KIAA1549: variants seen among roughly 807,000 people sequenced by gnomAD.
KIAA1549 encodes the protein UPF0606 protein KIAA1549.
Under a neutral mutation model 156.4 loss-of-function variants are expected in KIAA1549, and 70 were observed. The ratio of observed to expected loss-of-function variants is 0.45; its 90% CI spans 0.37 to 0.55. KIAA1549 has a LOEUF of 0.55. Ranked by LOEUF, KIAA1549 falls within the 20% of genes least tolerant of loss-of-function variation. The pLI, the probability that KIAA1549 is intolerant of heterozygous loss-of-function variation, is 0.00. For synonymous variants in KIAA1549, 1,103 were observed against 1,066.4 expected (o/e 1.03, Z -0.67); for missense variants, 2,428 against 2,540.9 (o/e 0.96, Z 0.96).
rs761163446 is a variant in KIAA1549, at chr7:138,868,142, G to C, written c.4776-14C>G. ...TTTATCCGTGAGCTGCCAGGAAAAAGAGAAATTATCTTCGTAGGAAATCAC... is the reference window on the plus strand; with the variant it reads ...TTTATCCGTGAGCTGCCAGGAAAAACAGAAATTATCTTCGTAGGAAATCAC... On this transcript the variant is annotated splice_polypyrimidine_tract_variant and intron_variant, in intron 14 of 19. Transcript: ENST00000422774. The C allele has an allele frequency of 6.2e-7, 1 of 1,609,636 alleles. No individual in the cohort carries two copies. Among genetic ancestry groups the C allele is most frequent in the South Asian group, 1.1e-5 (1 of 90,406 alleles).
At chr7:138,908,607 A>G (rs911470927) in intron 5 of KIAA1549, among the ~76,000 whole-genome samples, 10 of 152,190 alleles carry the variant, frequency 6.6e-5, no homozygotes, top group Non-Finnish European at 1.5e-5. Context: ...AAACATAAAA[A>G]CATCAGCAGT....
intron 12 of KIAA1549, 96 bp from the exon 13 acceptor site, chr7:138,871,458 T>C (rs2130386477): frequency 1.8e-6 from 2 of 1,140,176 alleles, no homozygotes; most frequent in East Asian, 5.4e-5. Context: ...AATCTTTGGA[T>C]GGGCCTCTGA....
In KIAA1549 at chr7:138,898,934, GACA is replaced by G. The variant is rs771481978; in HGVS notation, c.3847+18_3847+20del. 6.2e-7 allele frequency: 1 copy of G among 1,612,530 alleles called. No homozygotes were observed. The highest frequency in any genetic ancestry group is 1.3e-5 in the African/African-American group (1 of 74,826). Reference sequence around the variant, plus strand: ...GTGCCCAGCACAGCACAGCACAGACGACAACACCTCAGGCACTTACGCTGGGCA... The same window carrying G: ...GTGCCCAGCACAGCACAGCACAGACGACACCTCAGGCACTTACGCTGGGCA... On this transcript the variant is annotated intron_variant, in intron 9 of 19. Transcript: ENST00000422774.
In KIAA1549 at chr7:138,867,388, C is replaced by T. The variant is rs565558661; in HGVS notation, c.4929+587G>A. 9.9e-5 allele frequency among the ~76,000 whole-genome samples: 15 copies of T among 152,038 alleles called. No individual in the cohort carries two copies. The South Asian group carries it at 3.1e-3, about 32-fold the overall frequency. On this transcript the variant is annotated intron_variant, in intron 15 of 19. Coordinates refer to ENST00000422774, the MANE Select transcript of KIAA1549 (RefSeq NM_001164665.2). ...TGGGCAACATGCTGAGACCCCATCT[C>T]TACAAAAATTTTTAAAATTAGCTGG...
chr7:138,942,660 C>T (rs566470420), intron 1 of KIAA1549, among the ~76,000 whole-genome samples: 1 of 152,166 alleles, frequency 6.6e-6, no homozygotes, highest in Non-Finnish European at 1.5e-5. Flanking sequence ...CCTGTAATCC[C>T]AGCACTTTGG....
At chr7:138,978,175 ATTC>A (rs1227902380) in intron 1 of KIAA1549, among the ~76,000 whole-genome samples, 1 of 152,222 alleles carries the variant, frequency 6.6e-6, no homozygotes, top group Non-Finnish European at 1.5e-5. Context: ...TGTGCATATA[ATTC>A]TTTTTTTAAT....
At chr7:138,969,138 C>T (rs538731521) in intron 1 of KIAA1549, among the ~76,000 whole-genome samples, 18 of 152,166 alleles carry the variant, frequency 1.2e-4, no homozygotes, top group African/African-American at 2.2e-4. Context: ...TCATAAGTTA[C>T]GATTTAGCTC....
At chr7:138,904,380 C>T (rs1410377263) in intron 7 of KIAA1549, among the ~76,000 whole-genome samples, 1 of 152,164 alleles carries the variant, frequency 6.6e-6, no homozygotes, top group Non-Finnish European at 1.5e-5. Flanking sequence ...CCATGCAAAG[C>T]GATAGGACCT....
intron 1 of KIAA1549, among the ~76,000 whole-genome samples, chr7:138,942,874 C>T (rs2130526128): frequency 6.6e-6 from 1 of 151,656 alleles, no homozygotes; most frequent in Non-Finnish European, 1.5e-5. Flanking sequence ...CGTGCCACTG[C>T]ACTCCAGCCT....
At chr7:138,927,999 C>A (rs1470812664) in intron 1 of KIAA1549, among the ~76,000 whole-genome samples, 4 of 150,842 alleles carry the variant, frequency 2.7e-5, no homozygotes, top group Non-Finnish European at 5.9e-5. Context: ...TGGCTCACTG[C>A]AAGCTCTGCT....
In KIAA1549 at chr7:138,833,542, C is replaced by T. The variant is rs985174949; in HGVS notation, c.*4364G>A. On this transcript the variant is annotated 3_prime_UTR_variant, in exon 20 of 20. Transcript: ENST00000422774. ...GTCCGCATGCCAGGAAAGATCTGGC[C>T]GGCAAACACCCACTGCTTAAAAGTC... 3 of 232,334 alleles carry T rather than the reference C, an allele frequency of 1.3e-5. No individual in the cohort carries two copies. The highest frequency in any genetic ancestry group is 2.6e-5 in the Non-Finnish European group (3 of 117,572). The allele number at this position is 232,334 out of a possible 1,614,324, so 14.4% of individuals were successfully genotyped here.
chr7:138,890,997 G>A (rs924525816), intron 10 of KIAA1549, among the ~76,000 whole-genome samples: 2 of 152,118 alleles, frequency 1.3e-5, no homozygotes, highest in South Asian at 4.1e-4. Flanking sequence ...CATCTCCACC[G>A]TGAAGCTTCA....
At chr7:138,903,355 T>C (rs766094446) in intron 8 of KIAA1549, among the ~76,000 whole-genome samples, 2 of 152,346 alleles carry the variant, frequency 1.3e-5, no homozygotes, top group East Asian at 3.9e-4. Flanking sequence ...GCAAGGTCTA[T>C]TGTTATACTA....
At chr7:138,875,408 G>T (rs1474619036) in intron 12 of KIAA1549, among the ~76,000 whole-genome samples, 1 of 152,174 alleles carries the variant, frequency 6.6e-6, no homozygotes, top group Admixed American at 6.5e-5. Flanking sequence ...ACTTTGGAAG[G>T]CTAAGGCAGG....
At chr7:138,901,326 ATTTT>A (rs55728739) in intron 8 of KIAA1549, among the ~76,000 whole-genome samples, 2 of 132,860 alleles carry the variant, frequency 1.5e-5, no homozygotes, top group Non-Finnish European at 3.2e-5. Flanking sequence ...CTTGAGTTTT[ATTTT>A]TTTTTTTTTT....
chr7:138,855,286 T>C (rs1810354523), intron 16 of KIAA1549, among the ~76,000 whole-genome samples: 1 of 152,216 alleles, frequency 6.6e-6, no homozygotes, highest in South Asian at 2.1e-4. Flanking sequence ...CCTGTCACCC[T>C]GAGATGCATC....
At position 138,879,620 on chromosome 7, in the gene KIAA1549, A is replaced by C; in HGVS notation, c.4263T>G (p.Ser1421Arg). 6.4e-7 allele frequency: 1 copy of C among 1,559,610 alleles called. No individual in the cohort carries two copies. Among genetic ancestry groups the C allele is most frequent in the East Asian group, 2.4e-5 (1 of 41,758 alleles). ...VSPSDADSTVSEESSERDAGD... is the reference protein window; with the variant it reads ...VSPSDADSTVREESSERDAGD... ...CTGCGTCCCTCTCGCTGGACTCTTC[A>C]CTGACCGTAGAGTCAGCATCTGAGG... is the stretch of plus-strand genomic sequence containing the variant. The change falls in exon 12 of 20, where the codon AGT (serine) becomes AGG (arginine). Residue 1421 changes from serine (S) to arginine (R), a missense_variant. This residue lies in a region of KIAA1549 where 404 missense variants were observed against 417.0 expected (regional missense o/e 0.97). Coordinates refer to ENST00000422774, the MANE Select transcript of KIAA1549 (RefSeq NM_001164665.2).
rs1812091132 is a variant in KIAA1549, at chr7:138,909,018, G to A, written c.3249C>T (p.His1083=). 1 of 1,613,878 alleles carries A rather than the reference G, an allele frequency of 6.2e-7. No homozygotes were observed. Among genetic ancestry groups the A allele is most frequent in the African/African-American group, 1.3e-5 (1 of 74,928 alleles). ...MTALFEVRKH[H]QGTYNLTVQI... is the part of the protein sequence containing the mutation. ...GCACCGTGAGGTTATACGTTCCCTG[G>A]TGGTGTTTTCTCACTTCAAAGAGAG... Residue 1083 remains histidine, a synonymous_variant, in exon 5 of 20, where the codon CAC becomes CAT. Coordinates refer to ENST00000422774, the MANE Select transcript of KIAA1549 (RefSeq NM_001164665.2).
intron 18 of KIAA1549, among the ~76,000 whole-genome samples, chr7:138,841,442 C>T (rs150526524): frequency 9.2e-5 from 14 of 152,316 alleles, no homozygotes; most frequent in Admixed American, 3.3e-4. Context: ...ACCCAGACAT[C>T]TGCAGCCTCC....
Sources: gnomAD v4.1 joint callset for allele counts (sites outside exome capture counted in the v4.1 genomes callset) on GRCh38, gnomAD v4.1.1 for gene constraint, gnomAD v4.1.1 regional missense constraint, MANE v1.5 for transcripts, NCBI Gene and HGNC (gene_info 2026-07-23, HGNC 2026-07-21) for gene names.